KIRREL1: variants seen among roughly 807,000 people sequenced by gnomAD.
The protein encoded by KIRREL1 is kirre like nephrin family adhesion molecule 1.
A neutral mutation model predicts 83.3 loss-of-function variants in KIRREL1; 25 were observed. The observed-to-expected ratio is 0.30, with a 90% CI of 0.22 to 0.42. The LOEUF is 0.42. Ranked by LOEUF, KIRREL1 falls within the 10% of genes least tolerant of loss-of-function variation. The pLI, the probability that KIRREL1 is intolerant of heterozygous loss-of-function variation, is 1.00. For missense variants in KIRREL1, 812 were observed against 1,032.3 expected (o/e 0.79, Z 2.92); for synonymous variants, 388 against 410.4 (o/e 0.95, Z 0.66).
At position 158,094,408 on chromosome 1, in the gene KIRREL1, G is replaced by A. The variant is rs748266016; in HGVS notation, c.1797+18G>A. On this transcript the variant is annotated intron_variant, in intron 14 of 14. Transcript: ENST00000359209. This position sits in a 1 kb window ranked among gnomAD's most constrained non-coding sequence, Gnocchi z 4.6. ...AGATGAAGGTGGGAAAGGGGGAAGG[G>A]GCCAGGGCATGAGGGCTGGTGGGCC... 2 of 1,610,982 alleles carry A rather than the reference G, an allele frequency of 1.2e-6. No individual in the cohort carries two copies. Among genetic ancestry groups the A allele is most frequent in the Admixed American group, 1.7e-5 (1 of 59,610 alleles).
chr1:158,023,837 T>G (rs1447251824), intron 1 of KIRREL1, among the ~76,000 whole-genome samples: 1 of 152,246 alleles, frequency 6.6e-6, no homozygotes, highest in African/African-American at 2.4e-5. Context: ...AAGAAAACGT[T>G]AAGTTATTGT....
chr1:158,054,118 C>T (rs368593911), intron 1 of KIRREL1, among the ~76,000 whole-genome samples: 2 of 144,368 alleles, frequency 1.4e-5, no homozygotes, highest in African/African-American at 5.2e-5. Context: ...GAGGCTGAGG[C>T]AGGAGAATTG....
At chr1:158,028,459 T>G (rs1264463735) in intron 1 of KIRREL1, among the ~76,000 whole-genome samples, 1 of 152,188 alleles carries the variant, frequency 6.6e-6, no homozygotes, top group South Asian at 2.1e-4. Flanking sequence ...TTCCCAAAGC[T>G]GGATGCAAAT....
intron 1 of KIRREL1, among the ~76,000 whole-genome samples, chr1:158,063,307 GTTCATTCAACAAACATCAATTAAGATA>G (rs1661264788): frequency 6.6e-6 from 1 of 152,184 alleles, no homozygotes. Flanking sequence ...CAATGTATTT[GTTCATTCAACAAACATCAATTAAGATA>G]TTCATTCAAC....
At chr1:158,074,049 G>A (rs561451299) in intron 1 of KIRREL1, among the ~76,000 whole-genome samples, 24 of 152,292 alleles carry the variant, frequency 1.6e-4, no homozygotes, top group South Asian at 2.1e-4. Context: ...AGAGAAATGC[G>A]CAAGGATATG....
At chr1:158,074,015 G>A (rs973729975) in intron 1 of KIRREL1, among the ~76,000 whole-genome samples, 2 of 152,230 alleles carry the variant, frequency 1.3e-5, no homozygotes, top group African/African-American at 2.4e-5. Context: ...TGAGTGTGGA[G>A]AGTTTGCAGC....
At chr1:158,056,699 G>A (rs1433607274) in intron 1 of KIRREL1, among the ~76,000 whole-genome samples, 1 of 152,188 alleles carries the variant, frequency 6.6e-6, no homozygotes, top group Non-Finnish European at 1.5e-5. Context: ...GCTCCAGCCG[G>A]GCGGCTGTGA....
chr1:158,061,264 T>G (rs1381888493), intron 1 of KIRREL1, among the ~76,000 whole-genome samples: 2 of 152,190 alleles, frequency 1.3e-5, no homozygotes. Flanking sequence ...CTAAATTTGT[T>G]GTGAGATAGG....
At chr1:158,023,345 A>C (rs1461086072) in intron 1 of KIRREL1, among the ~76,000 whole-genome samples, 2 of 152,240 alleles carry the variant, frequency 1.3e-5, no homozygotes, top group Non-Finnish European at 2.9e-5. Context: ...GTTTCAATTC[A>C]GCAAGCATTT....
chr1:158,018,499 A>T (rs1233727548), intron 1 of KIRREL1, among the ~76,000 whole-genome samples: 1 of 152,144 alleles, frequency 6.6e-6, no homozygotes, highest in African/African-American at 2.4e-5. Context: ...CCAACCTGGG[A>T]ATGCAGTGTG....
At chr1:158,027,709 T>A (rs1428633047) in intron 1 of KIRREL1, among the ~76,000 whole-genome samples, 1 of 152,216 alleles carries the variant, frequency 6.6e-6, no homozygotes, top group African/African-American at 2.4e-5. Context: ...GAAATGAGGA[T>A]AATACACAGG....
At chr1:158,081,499 A>G (rs1350332641) in intron 3 of KIRREL1, among the ~76,000 whole-genome samples, 1 of 152,106 alleles carries the variant, frequency 6.6e-6, no homozygotes, top group Non-Finnish European at 1.5e-5. Context: ...TGTCCATTGT[A>G]TTTTTGAAGT....
At chr1:158,022,562 T>G (rs956918687) in intron 1 of KIRREL1, among the ~76,000 whole-genome samples, 1 of 152,160 alleles carries the variant, frequency 6.6e-6, no homozygotes, top group African/African-American at 2.4e-5. Flanking sequence ...AATTTACATC[T>G]AGTGCCAAAG....
chr1:158,041,661 A>G (rs1265770605), intron 1 of KIRREL1, among the ~76,000 whole-genome samples: 2 of 151,966 alleles, frequency 1.3e-5, no homozygotes, highest in Admixed American at 6.6e-5. Flanking sequence ...GGGCTTTCCC[A>G]CCTCTCTCTT....
intron 1 of KIRREL1, among the ~76,000 whole-genome samples, chr1:158,013,736 T>G (rs1338448226): frequency 2.0e-5 from 3 of 152,180 alleles, no homozygotes; most frequent in African/African-American, 7.2e-5. Flanking sequence ...TCCCGCCGAC[T>G]AGAAAACTGC....
intron 1 of KIRREL1, among the ~76,000 whole-genome samples, chr1:158,020,403 T>C (rs995340635): frequency 6.6e-6 from 1 of 152,096 alleles, no homozygotes; most frequent in African/African-American, 2.4e-5. Context: ...ACTATTATTT[T>C]TGGGGGGCTT....
chr1:158,022,662 C>T (rs752398705), intron 1 of KIRREL1, among the ~76,000 whole-genome samples: 1 of 152,238 alleles, frequency 6.6e-6, no homozygotes, highest in Non-Finnish European at 1.5e-5. Flanking sequence ...CCTTTGCCAG[C>T]TGCTGAAATC....
chr1:158,037,342 AAT>A (rs766295604), intron 1 of KIRREL1, among the ~76,000 whole-genome samples: 2 of 152,016 alleles, frequency 1.3e-5, no homozygotes, highest in Non-Finnish European at 2.9e-5. Context: ...AAAATACAAA[AAT>A]TAGCTGGGCG....
At chr1:158,007,081 G>A (rs375174079) in intron 1 of KIRREL1, among the ~76,000 whole-genome samples, 8 of 152,162 alleles carry the variant, frequency 5.3e-5, no homozygotes, top group South Asian at 2.1e-4. Context: ...ATACTGAACC[G>A]TATAAGTGCA....
Sources: gnomAD v4.1 joint callset for allele counts (sites outside exome capture counted in the v4.1 genomes callset) on GRCh38, gnomAD v4.1.1 for gene constraint, Gnocchi (gnomAD v3.1) non-coding constraint, MANE v1.5 for transcripts, NCBI Gene and HGNC (gene_info 2026-07-23, HGNC 2026-07-21) for gene names.